Variants in CMIP observed in about 807,000 individuals in gnomAD.
CMIP encodes the protein c-Maf inducing protein, also known as C-Maf-inducing protein.
In CMIP, 13 loss-of-function variants were observed where a neutral mutation model predicts 97.3. The ratio of observed to expected loss-of-function variants is 0.13; its 90% CI spans 0.09 to 0.21. CMIP has a LOEUF of 0.21. CMIP is among the 10% of genes least tolerant of loss of function. CMIP has a pLI of 1.00. For synonymous variants in CMIP, 538 were observed against 436.3 expected (o/e 1.23, Z -2.91); for missense variants, 847 against 1,024.9 (o/e 0.83, Z 2.37).
chr16:81,678,470 C>T lies in CMIP; in HGVS notation c.1230C>T (p.Ser410=), dbSNP rs1447770177. The T allele has an allele frequency of 1.9e-6, 3 of 1,592,540 alleles. No individual in the cohort carries two copies. The South Asian group carries it at 3.4e-5, about 18-fold the overall frequency. ...SEIHVEVERT[S]TAKPALTASA... is the part of the protein sequence containing the mutation. ...TCCACGTGGAGGTGGAACGCACCAG[C>T]ACTGCCAAGCCGGCGCTGACGGCCA... The change falls in exon 10 of 21, where the codon AGC becomes AGT. Residue 410 remains serine, a synonymous_variant. Transcript: ENST00000537098.
intron 10 of CMIP, among the ~76,000 whole-genome samples, chr16:81,679,903 G>A (rs1161281293): frequency 6.6e-6 from 1 of 152,226 alleles, no homozygotes; most frequent in South Asian, 2.1e-4. Flanking sequence ...GAGCCATGTG[G>A]TTCCACAGAC....
chr16:81,558,082 A>G (rs1226799342), intron 1 of CMIP, among the ~76,000 whole-genome samples: 2 of 152,194 alleles, frequency 1.3e-5, no homozygotes, highest in Non-Finnish European at 2.9e-5. Context: ...ACTAGGCGTC[A>G]TGTTCTTAAG....
At chr16:81,467,286 C>T (rs991587230) in intron 1 of CMIP, among the ~76,000 whole-genome samples, 1 of 152,212 alleles carries the variant, frequency 6.6e-6, no homozygotes. Flanking sequence ...AGGCGCTTGA[C>T]AACCTTCTGC....
At chr16:81,668,456 G>C (rs567887185) in intron 7 of CMIP, among the ~76,000 whole-genome samples, 1 of 152,278 alleles carries the variant, frequency 6.6e-6, no homozygotes, top group South Asian at 2.1e-4. Flanking sequence ...CCGACTTCCT[G>C]CCTCCTGGCA....
chr16:81,618,237 C>T, intron 2 of CMIP, among the ~76,000 whole-genome samples: 1 of 152,232 alleles, frequency 6.6e-6, no homozygotes, highest in East Asian at 1.9e-4. Context: ...TATGTTCCTT[C>T]TGGAGGCTCT....
chr16:81,625,829 CAGGCCG>C (rs1244041565), intron 3 of CMIP, among the ~76,000 whole-genome samples: 2 of 152,222 alleles, frequency 1.3e-5, no homozygotes, highest in African/African-American at 2.4e-5. Context: ...AGGGGTTCCT[CAGGCCG>C]AGGCACACTA....
intron 20 of CMIP, among the ~76,000 whole-genome samples, chr16:81,709,515 C>T (rs956468823): frequency 6.6e-6 from 1 of 152,166 alleles, no homozygotes; most frequent in Non-Finnish European, 1.5e-5. Flanking sequence ...CCATCTGAGG[C>T]GGGGGCATGG....
At chr16:81,630,480 G>C (rs1407304633) in intron 3 of CMIP, 2 of 152,312 alleles carry the variant, frequency 1.3e-5, no homozygotes, top group Admixed American at 6.5e-5. Context: ...TCCTGCTTGA[G>C]TGACCGCCCA....
At position 81,538,218 on chromosome 16, in the gene CMIP, G is replaced by A. The variant is rs188016231; in HGVS notation, c.301-69349G>A. ...TCAAGAGGGGCTAAGGCCTGAGTCC[G>A]TCTCATTCTCAGAGCGACACCCATA... On this transcript the variant is annotated intron_variant, in intron 1 of 20. Coordinates refer to ENST00000537098, the MANE Select transcript of CMIP (RefSeq NM_198390.3). Among the ~76,000 whole-genome samples, 217 of 152,320 alleles carry A rather than the reference G, an allele frequency of 1.4e-3. 2 individuals are homozygous for A. The highest frequency in any genetic ancestry group is 3.4e-3 in the Middle Eastern group (1 of 294).
chr16:81,449,227 G>C (rs1039598106), intron 1 of CMIP, among the ~76,000 whole-genome samples: 1 of 152,186 alleles, frequency 6.6e-6, no homozygotes, highest in Non-Finnish European at 1.5e-5. Flanking sequence ...CAGGGGTCGG[G>C]GCACAGGTGA....
chr16:81,622,455 G>T (rs573248976), intron 3 of CMIP, among the ~76,000 whole-genome samples: 2 of 152,254 alleles, frequency 1.3e-5, no homozygotes, highest in East Asian at 3.9e-4. Flanking sequence ...ACCTACTGGG[G>T]ACCGTCTGGG....
chr16:81,587,293 A>T (rs551906237), intron 1 of CMIP, among the ~76,000 whole-genome samples: 59 of 152,338 alleles, frequency 3.9e-4, no homozygotes, highest in Non-Finnish European at 7.5e-4. Flanking sequence ...ACCAGCGATT[A>T]AACATTTGAA....
intron 2 of CMIP, 116 bp from the exon 3 acceptor site, chr16:81,620,760 C>A: frequency 8.1e-7 from 1 of 1,231,220 alleles, no homozygotes; most frequent in Non-Finnish European, 1.2e-6. Context: ...TTGTTAGGGT[C>A]ACAGGGCAGA....
At chr16:81,530,108 A>G (rs117701604) in intron 1 of CMIP, among the ~76,000 whole-genome samples, 36 of 152,294 alleles carry the variant, frequency 2.4e-4, no homozygotes, top group Middle Eastern at 3.4e-3. Flanking sequence ...GCCGCTATAA[A>G]TTTATCTCTA....
Position 81,652,154 on chromosome 16 carries a change from CTT to C in CMIP, c.478-48_478-47del. 1 of 1,475,484 alleles carries C rather than the reference CTT, an allele frequency of 6.8e-7. No homozygotes were observed. The highest frequency in any genetic ancestry group is 1.2e-5 in the South Asian group (1 of 86,540). 91.4% of individuals were successfully genotyped at this position (1,475,484 alleles called of 1,614,324 possible). A position where few individuals can be genotyped will look rare whatever the true frequency, so the allele number is the denominator to read the frequency against. On this transcript the variant is annotated intron_variant, in intron 3 of 20. Transcript: ENST00000537098. The surrounding 1 kb of genome is among the most constrained non-coding windows in gnomAD (Gnocchi z 5.2). Reference sequence around the variant, plus strand: ...TCTTTGATTGTCTTCCATCTTCTGCCTTCCTTACGTGAGTAACATGTTGCTGT... The same window carrying C: ...TCTTTGATTGTCTTCCATCTTCTGCCCCTTACGTGAGTAACATGTTGCTGT...
intron 1 of CMIP, among the ~76,000 whole-genome samples, chr16:81,545,344 G>A (rs192500283): frequency 6.6e-6 from 1 of 152,254 alleles, no homozygotes. Context: ...GTGCCTGGAA[G>A]AGGGTGGGTG....
chr16:81,494,374 C>G (rs2089453709), intron 1 of CMIP, among the ~76,000 whole-genome samples: 1 of 152,214 alleles, frequency 6.6e-6, no homozygotes. Flanking sequence ...CCAGAACTGG[C>G]CTTTATTGAC....
At position 81,570,055 on chromosome 16, in the gene CMIP, CT is replaced by C. The variant is rs2091057350; in HGVS notation, c.301-37508del. Among the ~76,000 whole-genome samples the C allele has an allele frequency of 2.0e-5, 3 of 152,204 alleles. No homozygotes were observed. In the South Asian group the frequency reaches 6.2e-4, roughly 32 times the overall value. ...CCACCAGGCCTGTGCTAGAATCTTC[CT>C]TTTCCCTCTCTCCCTTGGAGTATCA... On this transcript the variant is annotated intron_variant, in intron 1 of 20. Coordinates refer to ENST00000537098, the MANE Select transcript of CMIP (RefSeq NM_198390.3).
chr16:81,471,565 A>T (rs941118639), intron 1 of CMIP, among the ~76,000 whole-genome samples: 1 of 151,034 alleles, frequency 6.6e-6, no homozygotes, highest in Non-Finnish European at 1.5e-5. Context: ...GCACACACAC[A>T]TGCATACACA....
Sources: gnomAD v4.1 joint callset for allele counts (sites outside exome capture counted in the v4.1 genomes callset) on GRCh38, gnomAD v4.1.1 for gene constraint, Gnocchi (gnomAD v3.1) non-coding constraint, MANE v1.5 for transcripts, NCBI Gene and HGNC (gene_info 2026-07-23, HGNC 2026-07-21) for gene names.